The following FAM98B variants were observed in gnomAD, a reference collection of about 807,000 sequenced individuals.
FAM98B encodes the protein tRNA splicing ligase complex subunit 3B, also known as tRNA-splicing ligase complex subunit FAM98B.
In FAM98B, 32 loss-of-function variants were observed where a neutral mutation model predicts 43.9. That is an observed-to-expected ratio of 0.73 (90% CI 0.55 to 0.98). The LOEUF is 0.98. Ranked by LOEUF, FAM98B falls within the 50% of genes least tolerant of loss-of-function variation. The pLI is 0.00. For synonymous variants in FAM98B, 190 were observed against 174.0 expected, an observed-to-expected ratio of 1.09 and a Z score of -0.72; for missense variants, 514 against 522.9, an observed-to-expected ratio of 0.98 and a Z score of 0.17.
At chr15:38,481,510 A>T (rs1355687101) in intron 7 of FAM98B, 51 bp downstream of exon 7, 6 of 1,613,904 alleles carry the variant, frequency 3.7e-6, no homozygotes, top group Non-Finnish European at 4.2e-6. Context: ...TATCTTACTT[A>T]ATGTTTTTAC....
chr15:38,469,939 A>G (rs1243384044), intron 3 of FAM98B, among the ~76,000 whole-genome samples: 2 of 152,120 alleles, frequency 1.3e-5, no homozygotes, highest in Non-Finnish European at 2.9e-5. Flanking sequence ...AGAATCAACC[A>G]TTTAAAGTGG....
rs1890345609 is a variant in FAM98B at position 38,484,817 on chromosome 15, T to G, written c.*158T>G. ...TGGTTAATATGTAAGAACATTGTTT[T>G]TTATTACCAGTTGATCTCTCAAATG... On this transcript the variant is annotated 3_prime_UTR_variant, in exon 8 of 8. Coordinates refer to ENST00000397609, the MANE Select transcript of FAM98B (RefSeq NM_173611.4). 8.8e-7 allele frequency: 1 copy of G among 1,136,060 alleles called. No homozygotes were observed. The highest frequency in any genetic ancestry group is 1.6e-5 in the African/African-American group (1 of 60,924). 70.4% of individuals were successfully genotyped at this position (1,136,060 alleles called of 1,614,324 possible). A position where few individuals can be genotyped will look rare whatever the true frequency, so the allele number is the denominator to read the frequency against.
intron 7 of FAM98B, 62 bp from the exon 8 acceptor site, chr15:38,484,193 G>A: frequency 6.7e-7 from 1 of 1,483,878 alleles, no homozygotes; most frequent in Non-Finnish European, 9.1e-7. Context: ...AACATCACTT[G>A]AAACTTTTAT....
chr15:38,469,212 A>ACTGTAGTGAAGTAGTG lies in FAM98B; in HGVS notation c.353-1015_353-1014insCTGTAGTGAAGTAGTG, dbSNP rs143810868. On this transcript the variant is annotated intron_variant, in intron 3 of 7. Coordinates refer to ENST00000397609, the MANE Select transcript of FAM98B (RefSeq NM_173611.4). ...TGAGCCACCACTCCCAGCCAAAAAC[A>ACTGTAGTGAAGTAGTG]AAGTCTTACCTACCGTAGTGAAGAG... Among the ~76,000 whole-genome samples the ACTGTAGTGAAGTAGTG allele has an allele frequency of 4.6e-5, 7 of 152,126 alleles. No homozygotes were observed. The South Asian group carries it at 1.5e-3, about 32-fold the overall frequency.
At chr15:38,464,773 C>G (rs1474064336) in intron 2 of FAM98B, among the ~76,000 whole-genome samples, 1 of 151,900 alleles carries the variant, frequency 6.6e-6, no homozygotes, top group East Asian at 1.9e-4. Flanking sequence ...GAAAAGTATC[C>G]TTTTTTTCTT....
intron 1 of FAM98B, 32 bp downstream of exon 1, chr15:38,454,264 A>C: frequency 6.3e-7 from 1 of 1,581,064 alleles, no homozygotes; most frequent in Non-Finnish European, 8.6e-7. Flanking sequence ...TTTTCCCTGA[A>C]AACGCAACCT....
intron 1 of FAM98B, among the ~76,000 whole-genome samples, chr15:38,455,219 A>G (rs143953993): frequency 2.6e-5 from 4 of 152,366 alleles, no homozygotes; most frequent in Non-Finnish European, 4.4e-5. Context: ...ATGAATGAAG[A>G]AAAGCTTAGA....
intron 4 of FAM98B, 146 bp downstream of exon 4, chr15:38,470,551 G>A (rs902599138): frequency 3.1e-6 from 2 of 638,864 alleles, no homozygotes; most frequent in Admixed American, 8.1e-5. Flanking sequence ...TTTGGATTCA[G>A]ACTTAACAGG....
chr15:38,485,010 AT>A lies in FAM98B; in HGVS notation c.*355del, dbSNP rs1309057444. On this transcript the variant is annotated 3_prime_UTR_variant, in exon 8 of 8. Coordinates refer to ENST00000397609, the MANE Select transcript of FAM98B (RefSeq NM_173611.4). ...TGATTGAATTTAGATTGTTACCTGT[AT>A]TTTGTTCAGGTTTGAGACATATAAA... 1 of 194,942 alleles carries A rather than the reference AT, an allele frequency of 5.1e-6. No homozygotes were observed. Among genetic ancestry groups the A allele is most frequent in the Non-Finnish European group, 1.0e-5 (1 of 98,216 alleles). The allele number at this position is 194,942 out of a possible 1,614,324, so 12.1% of individuals were successfully genotyped here. A position where few individuals can be genotyped will look rare whatever the true frequency, so the allele number is the denominator to read the frequency against.
chr15:38,471,005 A>G lies in FAM98B; in HGVS notation c.531+600A>G, dbSNP rs186651965. ...CTTGTTCCCTGTCAAGCCATATATT[A>G]GAGAGGATGCTACTCTCACAGACCA... On this transcript the variant is annotated intron_variant, in intron 4 of 7. Transcript: ENST00000397609. Among the ~76,000 whole-genome samples, 247 of 151,500 alleles carry G rather than the reference A, an allele frequency of 1.6e-3. 2 individuals are homozygous for G. The highest frequency in any genetic ancestry group is 4.1e-3 in the East Asian group (21 of 5,164).
chr15:38,484,548 G>A lies in FAM98B; in HGVS notation c.1191G>A (p.Gly397=). 1 of 1,472,126 alleles carries A rather than the reference G, an allele frequency of 6.8e-7. No homozygotes were observed. Among genetic ancestry groups the A allele is most frequent in the Non-Finnish European group, 8.9e-7 (1 of 1,118,872 alleles). 91.2% of individuals were successfully genotyped at this position (1,472,126 alleles called of 1,614,324 possible). The change falls in exon 8 of 8, where the codon GGG becomes GGA. Residue 397 remains glycine, a synonymous_variant. Transcript: ENST00000397609. ...GCAGGGGAGATTATGGTGGAAGAGG[G>A]GGTTATGGTGGAAGAGGGGGCTATG... The part of the protein sequence containing the change: ...FQGRGDYGGR[G]GYGGRGGYGG...
At chr15:38,474,781 C>T (rs540024503) in intron 6 of FAM98B, among the ~76,000 whole-genome samples, 10 of 152,190 alleles carry the variant, frequency 6.6e-5, no homozygotes, top group Non-Finnish European at 1.5e-4. Flanking sequence ...CCCATCATTC[C>T]CATTTTATGC....
intron 1 of FAM98B, chr15:38,459,390 C>A: frequency 2.5e-6 from 1 of 392,334 alleles, no homozygotes; most frequent in East Asian, 7.4e-5. Flanking sequence ...AAGAGCTTGA[C>A]TGGCCATGCT....
chr15:38,482,199 G>A (rs1023198585), intron 7 of FAM98B: 2 of 152,336 alleles, frequency 1.3e-5, no homozygotes. Flanking sequence ...TCAGAGGGAT[G>A]GTTGTTTTTA....
Position 38,464,137 on chromosome 15 carries a change from A to G in FAM98B, c.177A>G (p.Ile59Met), listed in dbSNP as rs200908921. 2.6e-4 allele frequency: 418 copies of G among 1,613,282 alleles called. No individual in the cohort carries two copies. Among genetic ancestry groups the G allele is most frequent in the Non-Finnish European group, 3.4e-4 (397 of 1,179,698 alleles). Residue 59 changes from isoleucine (I) to methionine (M), a missense_variant, in exon 2 of 8, where the codon ATA (isoleucine) becomes ATG (methionine). Ile to Met is a conservative substitution (Grantham distance 10). Coordinates refer to ENST00000397609, the MANE Select transcript of FAM98B (RefSeq NM_173611.4). ...SELCIWLGSQIKSLCNLEESI... is the reference protein window; with the variant it reads ...SELCIWLGSQMKSLCNLEESI... Reference sequence around the variant, plus strand: ...TCTGTATTTGGTTAGGCTCTCAAATAAAATCATTATGCAACTTGGAAGAAA... The same window carrying G: ...TCTGTATTTGGTTAGGCTCTCAAATGAAATCATTATGCAACTTGGAAGAAA...
In FAM98B at chr15:38,464,034, A is replaced by G; in HGVS notation, c.74A>G (p.Tyr25Cys). The G allele has an allele frequency of 6.2e-7, 1 of 1,606,332 alleles. No homozygotes were observed. The highest frequency in any genetic ancestry group is 8.5e-7 in the Non-Finnish European group (1 of 1,176,382). ...AACTTGTATTTCTTCCTTTCTAGGT[A>G]TAAAGGACCATTGTTAGAAGAGCAA... is the stretch of plus-strand genomic sequence containing the variant. ...DVLDTLEALG[Y>C]KGPLLEEQAL... Residue 25 changes from tyrosine to cysteine, a missense_variant and splice_region_variant, in exon 2 of 8, where the codon TAT becomes TGT. Tyr to Cys is a radical substitution (Grantham distance 194). Transcript: ENST00000397609.
At chr15:38,482,209 A>G (rs1890296310) in intron 7 of FAM98B, 1 of 152,384 alleles carries the variant, frequency 6.6e-6, no homozygotes, top group African/African-American at 2.4e-5. Flanking sequence ...GGTTGTTTTT[A>G]AAGTCATTTT....
At chr15:38,478,171 T>C (rs1033915233) in intron 6 of FAM98B, among the ~76,000 whole-genome samples, 15 of 152,230 alleles carry the variant, frequency 9.9e-5, no homozygotes, top group Admixed American at 9.8e-4. Flanking sequence ...TGACATAGAT[T>C]CATGGGCATG....
rs970672622 is a variant in FAM98B, at chr15:38,481,765, C to A, written c.897+306C>A. On this transcript the variant is annotated intron_variant, in intron 7 of 7. Coordinates refer to ENST00000397609, the MANE Select transcript of FAM98B (RefSeq NM_173611.4). ...TCATTTTTTGTCAGTAAGAATCTTT[C>A]GGAATTGTTTCAAGTACTGACAGAT... 4.0e-6 allele frequency: 3 copies of A among 751,634 alleles called. No individual in the cohort carries two copies. The African/African-American group carries it at 5.3e-5, about 13-fold the overall frequency. 46.6% of individuals were successfully genotyped at this position (751,634 alleles called of 1,614,324 possible).
Sources: allele counts gnomAD v4.1 joint callset (sites outside exome capture counted in the v4.1 genomes callset), GRCh38; gene constraint gnomAD v4.1.1; transcripts MANE v1.5; gene names NCBI Gene and HGNC (gene_info 2026-07-23, HGNC 2026-07-21).